RARB: variants seen among roughly 807,000 people sequenced by gnomAD.
The protein encoded by RARB is retinoic acid receptor beta.
Under a neutral mutation model 51.9 loss-of-function variants are expected in RARB, and 17 were observed. The observed-to-expected ratio is 0.33, with a 90% CI of 0.22 to 0.49. RARB has a LOEUF of 0.49. RARB is among the 20% of genes least tolerant of loss of function. The pLI, the probability that RARB is intolerant of heterozygous loss-of-function variation, is 0.99. For missense variants in RARB, 369 were observed against 550.8 expected, an observed-to-expected ratio of 0.67 and a Z score of 3.30; for synonymous variants, 215 against 195.4, an observed-to-expected ratio of 1.10 and a Z score of -0.84.
intron 1 of RARB, among the ~76,000 whole-genome samples, chr3:24,837,122 C>T (rs538789068): frequency 1.3e-5 from 2 of 152,270 alleles, no homozygotes; most frequent in African/African-American, 4.8e-5. Flanking sequence ...ATCCATTGGC[C>T]TCCTTTGTTG....
At chr3:25,144,168 C>T (rs191339991) in intron 4 of RARB, among the ~76,000 whole-genome samples, 149 of 152,240 alleles carry the variant, frequency 9.8e-4, no homozygotes, top group African/African-American at 3.6e-3. Context: ...AAGGATTGTA[C>T]ATTCTTGCAG....
intron 5 of RARB, among the ~76,000 whole-genome samples, chr3:25,196,368 G>A (rs529263570): frequency 1.1e-4 from 16 of 152,130 alleles, no homozygotes; most frequent in Middle Eastern, 3.4e-3. Flanking sequence ...ATGGTTTCCA[G>A]CTTCATCCAT....
Position 24,967,512 on chromosome 3 carries a change from T to G in RARB, c.-379-92613T>G, listed in dbSNP as rs532023507. Among the ~76,000 whole-genome samples, 7 of 152,268 alleles carry G rather than the reference T, an allele frequency of 4.6e-5. No individual in the cohort carries two copies. In the South Asian group the frequency reaches 1.5e-3, roughly 32 times the overall value. ...ATCTCTGACAGTACCAAGTGTAGTG[T>G]TTCTCCGACATGCATGCATCTTTCA... is the stretch of plus-strand genomic sequence containing the variant. On this transcript the variant is annotated intron_variant, in intron 2 of 11. Transcript: ENST00000383772.
chr3:24,908,611 A>C (rs1162450179), intron 2 of RARB, among the ~76,000 whole-genome samples: 2 of 151,796 alleles, frequency 1.3e-5, no homozygotes, highest in Non-Finnish European at 2.9e-5. Context: ...GACTAGATAA[A>C]CATAAAGGCT....
At chr3:24,842,838 C>A (rs868715286) in intron 1 of RARB, among the ~76,000 whole-genome samples, 8 of 152,138 alleles carry the variant, frequency 5.3e-5, no homozygotes, top group African/African-American at 1.9e-4. Context: ...ACCATGAAAC[C>A]CAATATATTT....
intron 5 of RARB, among the ~76,000 whole-genome samples, chr3:25,284,752 G>A (rs1324016864): frequency 3.3e-5 from 5 of 152,130 alleles, no homozygotes; most frequent in Admixed American, 6.5e-5. Flanking sequence ...TTTGAACTGC[G>A]CAAGTCCGCT....
At chr3:25,570,619 G>C (rs951929769) in intron 4 of RARB, among the ~76,000 whole-genome samples, 1 of 152,210 alleles carries the variant, frequency 6.6e-6, no homozygotes, top group Non-Finnish European at 1.5e-5. Flanking sequence ...GTGTATGTTG[G>C]CTGGTCTAGG....
At chr3:25,237,755 C>G (rs986183207) in intron 5 of RARB, among the ~76,000 whole-genome samples, 30 of 152,098 alleles carry the variant, frequency 2.0e-4, no homozygotes, top group Non-Finnish European at 3.7e-4. Flanking sequence ...CCCCTCAACC[C>G]CTGGCAAATG....
At chr3:24,936,941 A>T (rs757500129) in intron 2 of RARB, among the ~76,000 whole-genome samples, 3 of 152,200 alleles carry the variant, frequency 2.0e-5, no homozygotes, top group Non-Finnish European at 2.9e-5. Context: ...GGAAAAGGCC[A>T]TTCCTGGGTT....
intron 5 of RARB, among the ~76,000 whole-genome samples, chr3:25,198,185 C>T (rs1240263954): frequency 6.6e-6 from 1 of 151,592 alleles, no homozygotes; most frequent in Non-Finnish European, 1.5e-5. Context: ...GGTACAATCT[C>T]GTCAATTAGT....
chr3:24,961,745 T>C (rs1238232650), intron 2 of RARB, among the ~76,000 whole-genome samples: 1 of 152,136 alleles, frequency 6.6e-6, no homozygotes, highest in African/African-American at 2.4e-5. Flanking sequence ...CATTGGACAA[T>C]TGGCAAAGCC....
chr3:25,297,478 G>C (rs1276185686), intron 5 of RARB, among the ~76,000 whole-genome samples: 1 of 133,606 alleles, frequency 7.5e-6, no homozygotes, highest in Non-Finnish European at 1.5e-5. Context: ...ACTGGTCAAA[G>C]GTATTCCTGC....
intron 5 of RARB, among the ~76,000 whole-genome samples, chr3:25,200,480 C>A (rs566480607): frequency 2.0e-5 from 3 of 152,228 alleles, no homozygotes; most frequent in Non-Finnish European, 2.9e-5. Flanking sequence ...GCTTTTGTTG[C>A]CATTGCTTTT....
At chr3:25,253,843 G>T (rs1335258570) in intron 5 of RARB, among the ~76,000 whole-genome samples, 1 of 152,052 alleles carries the variant, frequency 6.6e-6, no homozygotes, top group Admixed American at 6.6e-5. Context: ...CAAATTGCTT[G>T]TATTTCTGGA....
At chr3:25,035,500 T>A (rs1697973787) in intron 2 of RARB, among the ~76,000 whole-genome samples, 1 of 147,906 alleles carries the variant, frequency 6.8e-6, no homozygotes, top group Non-Finnish European at 1.5e-5. Flanking sequence ...ATTAAAGAAG[T>A]TAAGGAATAT....
intron 1 of RARB, among the ~76,000 whole-genome samples, chr3:24,845,756 C>G (rs1028555369): frequency 3.3e-5 from 5 of 151,896 alleles, no homozygotes; most frequent in African/African-American, 1.2e-4. Context: ...GCAGATAGCC[C>G]CCCTCCACCC....
intron 2 of RARB, among the ~76,000 whole-genome samples, chr3:24,890,857 A>T (rs1216115911): frequency 6.6e-6 from 1 of 151,736 alleles, no homozygotes; most frequent in Admixed American, 6.6e-5. Flanking sequence ...ATAAAAAAAA[A>T]TGCGGTTTGA....
At chr3:24,882,392 A>G (rs74278553) in intron 2 of RARB, among the ~76,000 whole-genome samples, 12,865 of 152,274 alleles carry the variant, frequency 0.084, 732 homozygotes, top group East Asian at 0.17. Context: ...TTTATATTGT[A>G]CTAGGTATTA....
At chr3:25,454,857 T>C (rs1559411087) in intron 1 of RARB, among the ~76,000 whole-genome samples, 1 of 152,356 alleles carries the variant, frequency 6.6e-6, no homozygotes, top group East Asian at 1.9e-4. Flanking sequence ...TTATACTGTG[T>C]TTTCTCAGGT....
Sources: allele counts gnomAD v4.1 joint callset (sites outside exome capture counted in the v4.1 genomes callset), GRCh38; gene constraint gnomAD v4.1.1; transcripts MANE v1.5; gene names NCBI Gene and HGNC (gene_info 2026-07-23, HGNC 2026-07-21).